Variants in BAIAP2 observed in about 807,000 individuals in gnomAD.
BAIAP2 encodes the protein BAR/IMD domain-containing adapter protein 2.
BAIAP2 carries 18 observed loss-of-function variants against 63.0 expected under a neutral mutation model. That is an observed-to-expected ratio of 0.29 (90% confidence interval 0.20 to 0.42). The LOEUF (loss-of-function observed/expected upper bound fraction) is 0.42, where lower values mean the gene tolerates loss of function less well. Among genes scored for constraint, BAIAP2 ranks in the 10% least tolerant of loss-of-function variants. The pLI, the probability that BAIAP2 is intolerant of heterozygous loss-of-function variation, is 1.00. For missense variants in BAIAP2, 610 were observed against 734.3 expected, an observed-to-expected ratio of 0.83 and a Z score of 1.96; for synonymous variants, 386 against 307.6, an observed-to-expected ratio of 1.25 and a Z score of -2.67.
chr17:81,050,333 G>C (rs1384044642), intron 1 of BAIAP2, among the ~76,000 whole-genome samples: 2 of 150,330 alleles, frequency 1.3e-5, no homozygotes, highest in African/African-American at 4.8e-5. Context: ...GCAGGGCCGT[G>C]CCCAGGTGTC....
intron 3 of BAIAP2, among the ~76,000 whole-genome samples, chr17:81,075,390 C>T (rs1350994508): frequency 1.3e-5 from 2 of 152,204 alleles, no homozygotes; most frequent in African/African-American, 2.4e-5. Context: ...CCCGGTTTGG[C>T]CTCAATCTTT....
intron 13 of BAIAP2, chr17:81,109,019 C>T (rs756593787): frequency 9.7e-6 from 15 of 1,543,484 alleles, no homozygotes; most frequent in African/African-American, 8.2e-5. Flanking sequence ...CCCGGGCAGC[C>T]GCTGCTCTGA....
Position 81,050,750 on chromosome 17 carries a change from CACATGCACACATGCATGTGT to C in BAIAP2, c.55-2917_55-2898del, listed in dbSNP as rs1314525281. ...AAATGTGCACATGCACACGTGGACA[CACATGCACACATGCATGTGT>C]GTATGCACACATGGGCACAGATGTG... On this transcript the variant is annotated intron_variant, in intron 1 of 13. Transcript: ENST00000428708. Among the ~76,000 whole-genome samples the C allele has an allele frequency of 1.4e-4, 20 of 146,384 alleles. No individual in the cohort carries two copies. The South Asian group carries it at 4.6e-3, about 34-fold the overall frequency.
At chr17:81,077,754 G>A (rs1035023849) in intron 3 of BAIAP2, among the ~76,000 whole-genome samples, 2 of 152,358 alleles carry the variant, frequency 1.3e-5, no homozygotes. Context: ...GTGGGTGCGG[G>A]TGCAGGTGTG....
chr17:81,052,634 A>T (rs1349137585), intron 1 of BAIAP2, among the ~76,000 whole-genome samples: 1 of 152,244 alleles, frequency 6.6e-6, no homozygotes, highest in African/African-American at 2.4e-5. Context: ...TTCTGGAGGC[A>T]GGTCCCGTGG....
chr17:81,061,878 C>A (rs1177509390), intron 3 of BAIAP2, among the ~76,000 whole-genome samples: 1 of 152,172 alleles, frequency 6.6e-6, no homozygotes, highest in Admixed American at 6.5e-5. Flanking sequence ...GATGGAAGTC[C>A]CTTGCCAGGA....
chr17:81,062,686 T>G (rs2050776598), intron 3 of BAIAP2, among the ~76,000 whole-genome samples: 1 of 95,402 alleles, frequency 1.0e-5, no homozygotes, highest in African/African-American at 3.8e-5. Flanking sequence ...TCTTTTTCTT[T>G]CCTTTTTTTT....
At chr17:81,082,924 C>G (rs1025021957) in intron 3 of BAIAP2, 1 of 152,500 alleles carries the variant, frequency 6.6e-6, no homozygotes, top group African/African-American at 2.4e-5. Context: ...GTCTGCTCAT[C>G]TGGGCGGCCT....
chr17:81,097,639 G>A (rs1267025745), intron 6 of BAIAP2: 1 of 153,482 alleles, frequency 6.5e-6, no homozygotes, highest in Admixed American at 6.5e-5. Flanking sequence ...CCGGTGGACG[G>A]GGGGTCTGAG....
intron 3 of BAIAP2, among the ~76,000 whole-genome samples, chr17:81,070,178 C>T (rs372032195): frequency 2.6e-4 from 39 of 152,266 alleles, no homozygotes; most frequent in East Asian, 2.1e-3. Context: ...AGGCTGGTCT[C>T]GAACTCCTGG....
intron 1 of BAIAP2, among the ~76,000 whole-genome samples, chr17:81,038,950 G>A (rs2046695670): frequency 6.6e-6 from 1 of 152,194 alleles, no homozygotes; most frequent in African/African-American, 2.4e-5. Flanking sequence ...TCACAGTGCT[G>A]GACCCAGCTC....
chr17:81,096,662 C>T (rs1303703384), intron 6 of BAIAP2, among the ~76,000 whole-genome samples: 5 of 152,236 alleles, frequency 3.3e-5, no homozygotes, highest in Non-Finnish European at 5.9e-5. Context: ...TCCTGAAGGT[C>T]AGGAAAGGAG....
At chr17:81,078,958 G>A (rs1209646062) in intron 3 of BAIAP2, among the ~76,000 whole-genome samples, 1 of 152,154 alleles carries the variant, frequency 6.6e-6, no homozygotes, top group East Asian at 1.9e-4. Context: ...GTTGGGGTAA[G>A]ACCTGGGGGG....
At chr17:81,099,021 G>T (rs1178364437) in intron 6 of BAIAP2, among the ~76,000 whole-genome samples, 3 of 136,772 alleles carry the variant, frequency 2.2e-5, no homozygotes, top group Admixed American at 2.2e-4. Context: ...GGACACCCGG[G>T]TGGGCACTCA....
intron 1 of BAIAP2, among the ~76,000 whole-genome samples, chr17:81,041,596 C>T (rs184847115): frequency 1.5e-3 from 231 of 152,060 alleles, no homozygotes; most frequent in Admixed American, 4.1e-3. Flanking sequence ...TTTTTGGAGA[C>T]GGAGTTTTGC....
At position 81,086,505 on chromosome 17, in the gene BAIAP2, G is replaced by C. The variant is rs749461725; in HGVS notation, c.414G>C (p.Gln138His). 6.2e-7 allele frequency: 1 copy of C among 1,614,060 alleles called. No individual in the cohort carries two copies. ...AAGGCGACGCCCTGGACAAGTGTCA[G>C]GCTGAGCTGAAGAAGCTTCGGAAGA... is the stretch of plus-strand genomic sequence containing the variant. ...RSKGDALDKCQAELKKLRKKS... is the reference protein window; with the variant it reads ...RSKGDALDKCHAELKKLRKKS... The change falls in exon 6 of 14, where the codon CAG becomes CAC. Residue 138 changes from glutamine (Q) to histidine (H), a missense_variant. Coordinates refer to ENST00000428708, the MANE Select transcript of BAIAP2 (RefSeq NM_001144888.2).
intron 3 of BAIAP2, among the ~76,000 whole-genome samples, chr17:81,074,312 G>T (rs573058856): frequency 4.8e-4 from 73 of 152,144 alleles, no homozygotes; most frequent in African/African-American, 1.6e-3. Flanking sequence ...GTGAGTGCCG[G>T]TGTGTGTGCA....
intron 7 of BAIAP2, among the ~76,000 whole-genome samples, chr17:81,102,231 C>G (rs2058590943): frequency 1.3e-5 from 2 of 152,194 alleles, no homozygotes. Context: ...CTCCCTGGTG[C>G]TTGGGTTTGG....
At chr17:81,059,433 G>C (rs963460856) in intron 3 of BAIAP2, among the ~76,000 whole-genome samples, 1 of 152,116 alleles carries the variant, frequency 6.6e-6, no homozygotes, top group African/African-American at 2.4e-5. Flanking sequence ...GAAGCAGTGG[G>C]TGTCTGTGAA....
Sources: allele counts gnomAD v4.1 joint callset (sites outside exome capture counted in the v4.1 genomes callset), GRCh38; gene constraint gnomAD v4.1.1; transcripts MANE v1.5; gene names NCBI Gene and HGNC (gene_info 2026-07-23, HGNC 2026-07-21).